RPAP3: variants seen among roughly 807,000 people sequenced by gnomAD.
RPAP3 encodes the protein RNA polymerase II associated protein 3.
In RPAP3, 58 loss-of-function variants were observed where a neutral mutation model predicts 88.8. The ratio of observed to expected loss-of-function variants is 0.65; its 90% CI spans 0.53 to 0.81. The LOEUF (loss-of-function observed/expected upper bound fraction) is 0.81. RPAP3 is among the 40% of genes least tolerant of loss of function. The pLI is 0.00. For missense variants in RPAP3, 751 were observed against 764.3 expected (o/e 0.98, Z 0.20); for synonymous variants, 255 against 259.9 (o/e 0.98, Z 0.18).
At chr12:47,683,019 T>C (rs547509992) in intron 9 of RPAP3, among the ~76,000 whole-genome samples, 8 of 152,278 alleles carry the variant, frequency 5.3e-5, no homozygotes, top group Admixed American at 3.9e-4. Context: ...ATAACAGCCA[T>C]AATACGAACC....
chr12:47,682,818 C>T (rs1939252060), intron 9 of RPAP3, among the ~76,000 whole-genome samples: 1 of 152,146 alleles, frequency 6.6e-6, no homozygotes, highest in Non-Finnish European at 1.5e-5. Context: ...ATTTAACTCA[C>T]TTTCCAGCAA....
At chr12:47,701,253 GCCA>G (rs1326727693) in intron 3 of RPAP3, 2 of 362,586 alleles carry the variant, frequency 5.5e-6, no homozygotes, top group Admixed American at 9.3e-5. Context: ...GGCTGTTTTA[GCCA>G]CCATTTGCTG....
At chr12:47,674,866 G>A (rs1939078471) in intron 12 of RPAP3, among the ~76,000 whole-genome samples, 1 of 152,084 alleles carries the variant, frequency 6.6e-6, no homozygotes, top group Non-Finnish European at 1.5e-5. Flanking sequence ...AGCAAGGCAG[G>A]CCAACATTCA....
At chr12:47,700,887 G>C (rs1350251005) in intron 3 of RPAP3, among the ~76,000 whole-genome samples, 1 of 152,146 alleles carries the variant, frequency 6.6e-6, no homozygotes, top group Non-Finnish European at 1.5e-5. Flanking sequence ...AAAGACATCT[G>C]CACAGTCATT....
chr12:47,667,626 G>A (rs943395007), intron 15 of RPAP3, 128 bp downstream of exon 15: 1 of 542,832 alleles, frequency 1.8e-6, no homozygotes, highest in Non-Finnish European at 3.3e-6. Flanking sequence ...TTTTACCATA[G>A]GCCAATTGAC....
At chr12:47,674,084 T>TAAAAAAAA (rs34101861) in intron 12 of RPAP3, among the ~76,000 whole-genome samples, 1 of 123,338 alleles carries the variant, frequency 8.1e-6, no homozygotes, top group East Asian at 2.3e-4. Context: ...TTAAAGATTC[T>TAAAAAAAA]AAAAAAAAAA....
intron 8 of RPAP3, among the ~76,000 whole-genome samples, chr12:47,687,537 C>G (rs1212572568): frequency 6.6e-6 from 1 of 152,086 alleles, no homozygotes; most frequent in African/African-American, 2.4e-5. Flanking sequence ...CAATCAGAAA[C>G]AGTCCAGTGT....
intron 6 of RPAP3, among the ~76,000 whole-genome samples, chr12:47,689,615 AG>A (rs1223260110): frequency 2.0e-5 from 3 of 152,218 alleles, no homozygotes; most frequent in African/African-American, 7.2e-5. Context: ...CTAGGACTAC[AG>A]GCGTAAGCCA....
In RPAP3 at chr12:47,689,275, T is replaced by G. The variant is rs900399239; in HGVS notation, c.668-80A>C. The G allele has an allele frequency of 1.2e-5, 7 of 608,274 alleles. No homozygotes were observed. In the Admixed American group the frequency reaches 2.4e-4, roughly 21 times the overall value. The allele number at this position is 608,274 out of a possible 1,614,324, so 37.7% of individuals were successfully genotyped here. On this transcript the variant is annotated intron_variant, in intron 6 of 16. Transcript: ENST00000005386. ...ATGTACAAAACAATCTTTTGTTGCC[T>G]GTGACAATCAGGCAACTGTCCTACA...
chr12:47,692,770 C>A (rs1042780801), intron 5 of RPAP3, among the ~76,000 whole-genome samples: 6 of 152,200 alleles, frequency 3.9e-5, no homozygotes, highest in Non-Finnish European at 7.3e-5. Context: ...TCTTGGCTTT[C>A]GACATGCCGT....
At chr12:47,687,049 A>C in intron 8 of RPAP3, 142 bp from the exon 9 acceptor site, 1 of 534,124 alleles carries the variant, frequency 1.9e-6, no homozygotes, top group Non-Finnish European at 3.2e-6. Flanking sequence ...CCCATGAGAC[A>C]CGTTTTAAAA....
intron 12 of RPAP3, among the ~76,000 whole-genome samples, chr12:47,678,657 A>G (rs987478950): frequency 6.6e-6 from 1 of 152,250 alleles, no homozygotes; most frequent in African/African-American, 2.4e-5. Context: ...AATGCTCATC[A>G]TCACTGGCCA....
chr12:47,693,271 G>A (rs556804312), intron 5 of RPAP3, among the ~76,000 whole-genome samples: 6 of 152,192 alleles, frequency 3.9e-5, no homozygotes, highest in South Asian at 2.1e-4. Flanking sequence ...ATGGGGGGTC[G>A]GGGGTAGCTG....
intron 5 of RPAP3, among the ~76,000 whole-genome samples, chr12:47,692,852 T>G (rs1158450426): frequency 2.6e-5 from 4 of 152,208 alleles, no homozygotes; most frequent in Non-Finnish European, 5.9e-5. Flanking sequence ...TTCACTTGAA[T>G]ACTTATATGC....
In RPAP3 at chr12:47,681,833, A is replaced by T. The variant is rs781266490; in HGVS notation, c.993-16T>A. The T allele has an allele frequency of 6.5e-7, 1 of 1,547,796 alleles. No homozygotes were observed. The highest frequency in any genetic ancestry group is 1.3e-5 in the South Asian group (1 of 76,406). ...TTCTTCATATCTATTGAACATGATA[A>T]AATTACTGACTGGAAAAAAGGCAGC... On this transcript the variant is annotated splice_polypyrimidine_tract_variant and intron_variant, in intron 9 of 16. Coordinates refer to ENST00000005386, the MANE Select transcript of RPAP3 (RefSeq NM_024604.3).
At chr12:47,704,670 G>A (rs1269196091) in intron 1 of RPAP3, among the ~76,000 whole-genome samples, 2 of 151,404 alleles carry the variant, frequency 1.3e-5, no homozygotes, top group East Asian at 2.0e-4. Flanking sequence ...GAGCCACCGC[G>A]CCTGACCTCT....
intron 4 of RPAP3, 122 bp from the exon 5 acceptor site, chr12:47,696,525 A>C: frequency 3.4e-6 from 2 of 588,634 alleles, no homozygotes; most frequent in Non-Finnish European, 5.4e-6. Flanking sequence ...TTTCAATAGA[A>C]GTCTACACCA....
intron 12 of RPAP3, among the ~76,000 whole-genome samples, chr12:47,672,154 C>T (rs1347872875): frequency 6.6e-6 from 1 of 152,132 alleles, no homozygotes; most frequent in South Asian, 2.1e-4. Context: ...AAAACTTTCA[C>T]TTATTACCAC....
At chr12:47,702,002 A>G (rs1338679871) in intron 2 of RPAP3, among the ~76,000 whole-genome samples, 1 of 152,252 alleles carries the variant, frequency 6.6e-6, no homozygotes, top group Non-Finnish European at 1.5e-5. Context: ...AGTCTTAAGA[A>G]AAACTTTTGG....
Sources: gnomAD v4.1 joint callset for allele counts (sites outside exome capture counted in the v4.1 genomes callset) on GRCh38, gnomAD v4.1.1 for gene constraint, MANE v1.5 for transcripts, NCBI Gene and HGNC (gene_info 2026-07-23, HGNC 2026-07-21) for gene names.